The following ADGRV1 variants were observed in gnomAD, a reference collection of about 807,000 sequenced individuals.
ADGRV1 encodes G-protein coupled receptor 98.
A neutral mutation model predicts 596.2 loss-of-function variants in ADGRV1; 359 were observed. The observed-to-expected ratio is 0.60, with a 90% CI of 0.55 to 0.66. The LOEUF (loss-of-function observed/expected upper bound fraction) is 0.66, where lower values mean the gene tolerates loss of function less well. ADGRV1 is among the 30% of genes least tolerant of loss of function. The pLI, the probability that ADGRV1 is intolerant of heterozygous loss-of-function variation, is 0.00. For synonymous variants in ADGRV1, 2,681 were observed against 2,679.2 expected (o/e 1.00, Z -0.02); for missense variants, 7,274 against 7,575.6 (o/e 0.96, Z 1.48).
At chr5:90,695,846 A>G (rs1203154390) in intron 33 of ADGRV1, among the ~76,000 whole-genome samples, 2 of 152,164 alleles carry the variant, frequency 1.3e-5, no homozygotes, top group Non-Finnish European at 2.9e-5. Context: ...CTATTTCAAA[A>G]GGAATAATGA....
chr5:90,800,317 G>GA (rs1292673492), intron 70 of ADGRV1, among the ~76,000 whole-genome samples: 7 of 152,104 alleles, frequency 4.6e-5, no homozygotes, highest in Non-Finnish European at 7.4e-5. Context: ...CAACAAACAT[G>GA]AAAAAATGCT....
intron 87 of ADGRV1, among the ~76,000 whole-genome samples, chr5:91,111,783 T>C (rs1010033890): frequency 3.3e-5 from 5 of 152,182 alleles, no homozygotes; most frequent in Admixed American, 6.5e-5. Context: ...GACTCTATCA[T>C]TGATTTGTCC....
intron 85 of ADGRV1, among the ~76,000 whole-genome samples, chr5:91,018,736 C>T (rs923588909): frequency 6.6e-6 from 1 of 151,904 alleles, no homozygotes; most frequent in African/African-American, 2.4e-5. Context: ...ATAAATATCC[C>T]TATATTTGAT....
At position 90,653,366 on chromosome 5, in the gene ADGRV1, T is replaced by A; in HGVS notation, c.3792T>A (p.Ser1264=). 1 of 1,613,960 alleles carries A rather than the reference T, an allele frequency of 6.2e-7. No individual in the cohort carries two copies. ...AEDVLSEDDM[S]YITNFTILRQ... ...ATGTCCTGTCTGAAGATGATATGTCTTATATTACCAACTTCACCATTTTGA... is the reference window on the plus strand; with the variant it reads ...ATGTCCTGTCTGAAGATGATATGTCATATATTACCAACTTCACCATTTTGA... The change falls in exon 20 of 90, where the codon TCT becomes TCA. Residue 1264 remains serine (S), a synonymous_variant. Transcript: ENST00000405460.
At chr5:90,733,107 T>A (rs1752763734) in intron 50 of ADGRV1, among the ~76,000 whole-genome samples, 1 of 152,202 alleles carries the variant, frequency 6.6e-6, no homozygotes, top group Non-Finnish European at 1.5e-5. Context: ...AAATTAGGAA[T>A]GAAGATTCTT....
Position 91,157,786 on chromosome 5 carries a change from T to C in ADGRV1, c.18802+4388T>C, listed in dbSNP as rs75309435. ...AAAAGACTCATCAGAATAATAGATA[T>C]GGAAATTCAAGATCTGGGAATGTAT... On this transcript the variant is annotated intron_variant, in intron 89 of 89. Coordinates refer to ENST00000405460, the MANE Select transcript of ADGRV1 (RefSeq NM_032119.4). Among the ~76,000 whole-genome samples, 726 of 152,304 alleles carry C rather than the reference T, an allele frequency of 4.8e-3. 44 individuals are homozygous for C. The East Asian group carries it at 0.11, about 24-fold the overall frequency.
chr5:90,607,508 T>A (rs1322743660), intron 1 of ADGRV1, among the ~76,000 whole-genome samples: 3 of 152,132 alleles, frequency 2.0e-5, no homozygotes, highest in Non-Finnish European at 4.4e-5. Flanking sequence ...GGGGATTAAG[T>A]GACCATATGA....
chr5:90,598,076 G>A (rs1760933553), intron 1 of ADGRV1, among the ~76,000 whole-genome samples: 1 of 152,186 alleles, frequency 6.6e-6, no homozygotes, highest in Non-Finnish European at 1.5e-5. Flanking sequence ...CGGTAGTGTG[G>A]AGGGCGTAGT....
At chr5:90,707,351 A>G (rs1035913915) in intron 38 of ADGRV1, among the ~76,000 whole-genome samples, 1 of 151,990 alleles carries the variant, frequency 6.6e-6, no homozygotes, top group East Asian at 1.9e-4. Flanking sequence ...GGAAAGAGGG[A>G]GAAAGCATGA....
chr5:90,855,809 C>T lies in ADGRV1; in HGVS notation c.17663C>T (p.Ser5888Leu). 6.2e-7 allele frequency: 1 copy of T among 1,607,770 alleles called. No individual in the cohort carries two copies. Among genetic ancestry groups the T allele is most frequent in the Non-Finnish European group, 8.5e-7 (1 of 1,175,070 alleles). The change falls in exon 82 of 90, where the codon TCA becomes TTA. Residue 5888 changes from serine (S) to leucine (L), a missense_variant. By Grantham distance (145) the Ser-to-Leu change is moderately radical (BLOSUM62 -2). This residue lies in a region of ADGRV1 where 1,874 missense variants were observed against 1,970.2 expected (regional missense o/e 0.95). Coordinates refer to ENST00000405460, the MANE Select transcript of ADGRV1 (RefSeq NM_032119.4). ...GCAGACTATGTGGAATGTGCCTGTT[C>T]ACACATGTCTGTGTATGCTGTCTAT... Reference protein sequence around the residue: ...ETADYVECACSHMSVYAVYAR... With the variant: ...ETADYVECACLHMSVYAVYAR...
intron 79 of ADGRV1, among the ~76,000 whole-genome samples, chr5:90,851,352 T>G (rs1227237383): frequency 6.6e-6 from 1 of 151,962 alleles, no homozygotes; most frequent in African/African-American, 2.4e-5. Context: ...GGTGGTAGAA[T>G]TAATATGAAG....
intron 78 of ADGRV1, among the ~76,000 whole-genome samples, chr5:90,845,594 T>C (rs1765804383): frequency 6.6e-6 from 1 of 151,464 alleles, no homozygotes; most frequent in African/African-American, 2.4e-5. Context: ...GTCTGGTTTC[T>C]GGTATGATTT....
chr5:90,764,624 C>T (rs1031471067), intron 59 of ADGRV1, among the ~76,000 whole-genome samples: 71 of 152,238 alleles, frequency 4.7e-4, no homozygotes, highest in African/African-American at 1.7e-3. Context: ...GGCTGTGCTC[C>T]CCCTCCCTTA....
At chr5:90,801,761 T>A (rs553362869) in intron 70 of ADGRV1, among the ~76,000 whole-genome samples, 1 of 152,284 alleles carries the variant, frequency 6.6e-6, no homozygotes, top group Non-Finnish European at 1.5e-5. Context: ...TTGGGAATAT[T>A]CCAGGTTGTG....
At chr5:90,678,238 A>G (rs1234416151) in intron 25 of ADGRV1, among the ~76,000 whole-genome samples, 4 of 152,122 alleles carry the variant, frequency 2.6e-5, no homozygotes, top group African/African-American at 9.7e-5. Flanking sequence ...TAGCATGTCA[A>G]TCAAGGATAT....
At position 90,600,677 on chromosome 5, in the gene ADGRV1, G is replaced by A. The variant is rs528518936; in HGVS notation, c.23-14158G>A. 1.2e-4 allele frequency among the ~76,000 whole-genome samples: 18 copies of A among 152,240 alleles called. No individual in the cohort carries two copies. The South Asian group carries it at 2.1e-3, about 18-fold the overall frequency. ...TCCTTTGGGTATATACCCAGTAATG[G>A]GATGGCTGGGTCAAATGGTAGTTCT... is the stretch of plus-strand genomic sequence containing the variant. On this transcript the variant is annotated intron_variant, in intron 1 of 89. Transcript: ENST00000405460.
At chr5:90,774,416 C>A in intron 60 of ADGRV1, 113 bp downstream of exon 60, 1 of 626,232 alleles carries the variant, frequency 1.6e-6, no homozygotes. Context: ...ATTCCTAAAA[C>A]ATAAAGATAC....
At chr5:90,844,085 A>G (rs925593234) in intron 78 of ADGRV1, among the ~76,000 whole-genome samples, 1 of 152,188 alleles carries the variant, frequency 6.6e-6, no homozygotes, top group African/African-American at 2.4e-5. Context: ...TATTTATACC[A>G]AAAAGTTATT....
intron 74 of ADGRV1, among the ~76,000 whole-genome samples, chr5:90,814,407 A>G (rs2443079): frequency 0.41 from 62,689 of 152,028 alleles, 15,226 homozygotes; most frequent in Admixed American, 0.59. Flanking sequence ...GCCAGGAATC[A>G]GGTTTCAGGG....
Sources: allele counts gnomAD v4.1 joint callset (sites outside exome capture counted in the v4.1 genomes callset), GRCh38; gene constraint gnomAD v4.1.1; regional missense constraint gnomAD v4.1.1; transcripts MANE v1.5; gene names NCBI Gene and HGNC (gene_info 2026-07-23, HGNC 2026-07-21).